Variants in PDE1C observed in about 807,000 individuals in gnomAD.
PDE1C encodes dual specificity calcium/calmodulin-dependent 3',5'-cyclic nucleotide phosphodiesterase 1C.
A neutral mutation model predicts 93.1 loss-of-function variants in PDE1C; 62 were observed. That is an observed-to-expected ratio of 0.67 (90% CI 0.54 to 0.82). PDE1C has a LOEUF of 0.82. Ranked by LOEUF, PDE1C falls within the 40% of genes least tolerant of loss-of-function variation. The pLI, the probability that PDE1C is intolerant of heterozygous loss-of-function variation, is 0.00. For synonymous variants in PDE1C, 325 were observed against 310.1 expected, an observed-to-expected ratio of 1.05 and a Z score of -0.50; for missense variants, 742 against 884.6, an observed-to-expected ratio of 0.84 and a Z score of 2.04.
At chr7:32,021,189 C>G (rs1396268219) in intron 2 of PDE1C, among the ~76,000 whole-genome samples, 1 of 152,118 alleles carries the variant, frequency 6.6e-6, no homozygotes, top group Non-Finnish European at 1.5e-5. Flanking sequence ...CTCCTGTGAT[C>G]TCTGAGCCCT....
chr7:32,054,493 G>A (rs777003783), intron 1 of PDE1C, among the ~76,000 whole-genome samples: 6 of 152,134 alleles, frequency 3.9e-5, no homozygotes, highest in Non-Finnish European at 8.8e-5. Context: ...AGCTTCTTGA[G>A]GTCAGAGGTC....
intron 1 of PDE1C, among the ~76,000 whole-genome samples, chr7:32,357,584 G>T (rs1479862433): frequency 1.3e-5 from 2 of 152,160 alleles, no homozygotes; most frequent in Non-Finnish European, 2.9e-5. Context: ...AATAGAATTA[G>T]GCGGGCTAAA....
At chr7:31,953,361 G>C (rs576921825) in intron 2 of PDE1C, among the ~76,000 whole-genome samples, 1 of 152,232 alleles carries the variant, frequency 6.6e-6, no homozygotes, top group East Asian at 1.9e-4. Flanking sequence ...GGAGAGAGGA[G>C]GGAGGCTTTG....
In PDE1C at chr7:31,996,490, A is replaced by G. The variant is rs199583425; in HGVS notation, c.128+55064T>C. Among the ~76,000 whole-genome samples, 6 of 152,330 alleles carry G rather than the reference A, an allele frequency of 3.9e-5. No homozygotes were observed. The East Asian group carries it at 7.7e-4, about 20-fold the overall frequency. On this transcript the variant is annotated intron_variant, in intron 2 of 17. Coordinates refer to ENST00000396191, the MANE Select transcript of PDE1C (RefSeq NM_001191057.4). Reference sequence around the variant, plus strand: ...CTTTTGGATGGGTGACCTATTAATTACAAGGATTGGTTGGTCTGATGAGGC... The same window carrying G: ...CTTTTGGATGGGTGACCTATTAATTGCAAGGATTGGTTGGTCTGATGAGGC...
At chr7:31,669,741 A>G in the PDE1C span, among the ~76,000 whole-genome samples, 1 of 152,350 alleles carries the variant, frequency 6.6e-6, no homozygotes, top group African/African-American at 2.4e-5. Flanking sequence ...TTGTTAGACC[A>G]TTACTCATGT....
At chr7:32,295,755 G>A (rs1444228388) in intron 1 of PDE1C, among the ~76,000 whole-genome samples, 2 of 152,164 alleles carry the variant, frequency 1.3e-5, no homozygotes, top group East Asian at 1.9e-4. Flanking sequence ...TTAGCAGGGC[G>A]TGTTGGCGGG....
chr7:31,664,004 G>A, the PDE1C span, among the ~76,000 whole-genome samples: 1 of 152,082 alleles, frequency 6.6e-6, no homozygotes, highest in Admixed American at 6.6e-5. Flanking sequence ...TGGTAAATAG[G>A]ATCATCCCCA....
rs1584880653 is a variant in PDE1C, at chr7:32,161,512, T to A, written c.308+8273A>T. Among the ~76,000 whole-genome samples the A allele has an allele frequency of 5.3e-5, 8 of 152,240 alleles. No individual in the cohort carries two copies. In the South Asian group the frequency reaches 1.7e-3, roughly 32 times the overall value. ...TGCTCATGCAACTGGAGACGAGAAG[T>A]GCATTTACCTCGCACCCCATACTGA... On this transcript the variant is annotated intron_variant, in intron 3 of 18. Transcript: ENST00000396193.
In PDE1C at chr7:31,790,307, C is replaced by T. The variant is rs1219451566; in HGVS notation, c.1892-14575G>A. 4 of 1,531,618 alleles carry T rather than the reference C, an allele frequency of 2.6e-6. No individual in the cohort carries two copies. The African/African-American group carries it at 4.1e-5, about 16-fold the overall frequency. The allele number at this position is 1,531,618 out of a possible 1,614,324, so 94.9% of individuals were successfully genotyped here. On this transcript the variant is annotated intron_variant, in intron 16 of 17. Transcript: ENST00000396191. ...GAAAAGTGTCAATGCTGCCTTTCCC[C>T]CCGCCCACCTCCACCCTCCAAGTCT...
At chr7:32,345,528 T>G (rs1783836839) in intron 1 of PDE1C, among the ~76,000 whole-genome samples, 1 of 152,174 alleles carries the variant, frequency 6.6e-6, no homozygotes, top group Admixed American at 6.5e-5. Context: ...TAAAAACTCT[T>G]GCTCTTCAAA....
In PDE1C at chr7:32,120,302, C is replaced by G. The variant is rs62458878; in HGVS notation, c.308+49483G>C. Among the ~76,000 whole-genome samples, 2,231 of 152,330 alleles carry G rather than the reference C, an allele frequency of 0.015. 128 individuals carry two copies. The East Asian group carries it at 0.19, about 13-fold the overall frequency. On this transcript the variant is annotated intron_variant, in intron 3 of 18. Coordinates refer to the PDE1C transcript ENST00000396193. ...GTCTCTGCAGACCGTCATACTTAGC[C>G]TTTCCTCTTGGTAGTTCTGAGGAAT...
chr7:32,237,490 T>C (rs1381781548), intron 1 of PDE1C, among the ~76,000 whole-genome samples: 1 of 152,164 alleles, frequency 6.6e-6, no homozygotes, highest in South Asian at 2.1e-4. Context: ...TCCATACTCT[T>C]ACTCTGGTGG....
intron 17 of PDE1C, among the ~76,000 whole-genome samples, chr7:31,772,437 C>T (rs1795551201): frequency 6.6e-6 from 1 of 151,936 alleles, no homozygotes; most frequent in Non-Finnish European, 1.5e-5. Flanking sequence ...CCACAGGATT[C>T]AAGCTCCTTC....
intron 16 of PDE1C, among the ~76,000 whole-genome samples, chr7:31,794,051 GACAGACAGACA>G (rs1784941104): frequency 7.0e-6 from 1 of 143,018 alleles, no homozygotes; most frequent in African/African-American, 2.8e-5. Context: ...TAGACAGACA[GACAGACAGACA>G]GACAGACAGA....
intron 3 of PDE1C, among the ~76,000 whole-genome samples, chr7:32,081,745 T>C (rs1038662309): frequency 5.3e-5 from 8 of 152,238 alleles, no homozygotes; most frequent in African/African-American, 1.4e-4. Flanking sequence ...CTGCCTTCCA[T>C]AGTGAAATCT....
At chr7:32,132,140 A>G (rs1267993022) in intron 3 of PDE1C, among the ~76,000 whole-genome samples, 1 of 152,128 alleles carries the variant, frequency 6.6e-6, no homozygotes. Context: ...AAGCAGAGGA[A>G]AGATTAAATG....
At chr7:32,063,370 G>A (rs1795027264) in intron 1 of PDE1C, among the ~76,000 whole-genome samples, 1 of 152,180 alleles carries the variant, frequency 6.6e-6, no homozygotes. Context: ...TCCATGTGGG[G>A]AAATGGAAAC....
intron 2 of PDE1C, among the ~76,000 whole-genome samples, chr7:32,025,081 C>T (rs1222996041): frequency 6.6e-6 from 1 of 152,188 alleles, no homozygotes; most frequent in East Asian, 1.9e-4. Flanking sequence ...TCCCAGAATA[C>T]AATCCCTTCA....
At chr7:32,224,333 A>G (rs1045693511) in intron 1 of PDE1C, among the ~76,000 whole-genome samples, 1 of 151,968 alleles carries the variant, frequency 6.6e-6, no homozygotes, top group African/African-American at 2.4e-5. Context: ...AGATCGCACC[A>G]CTGTGCTCCA....
Sources: allele counts gnomAD v4.1 joint callset (sites outside exome capture counted in the v4.1 genomes callset), GRCh38; gene constraint gnomAD v4.1.1; transcripts MANE v1.5; gene names NCBI Gene and HGNC (gene_info 2026-07-23, HGNC 2026-07-21).